DOCK5: variants seen among roughly 807,000 people sequenced by gnomAD.
DOCK5 encodes dedicator of cytokinesis protein 5.
In DOCK5, 142 loss-of-function variants were observed where a neutral mutation model predicts 251.8. That is an observed-to-expected ratio of 0.56 (90% CI 0.49 to 0.65). The LOEUF (loss-of-function observed/expected upper bound fraction) is 0.65. DOCK5 is among the 30% of genes least tolerant of loss of function. The pLI is 0.00. For missense variants in DOCK5, 2,111 were observed against 2,312.3 expected (o/e 0.91, Z 1.79); for synonymous variants, 842 against 835.5 (o/e 1.01, Z -0.13).
chr8:25,199,803 G>C (rs901685451), intron 1 of DOCK5, among the ~76,000 whole-genome samples: 7 of 151,978 alleles, frequency 4.6e-5, no homozygotes, highest in African/African-American at 1.7e-4. Context: ...TCCTGAAATG[G>C]GGCAATATCT....
At chr8:25,253,385 G>A (rs919057458) in intron 2 of DOCK5, among the ~76,000 whole-genome samples, 1 of 152,166 alleles carries the variant, frequency 6.6e-6, no homozygotes, top group Non-Finnish European at 1.5e-5. Context: ...ACAGATCTTG[G>A]TTGGATCAAG....
chr8:25,351,251 G>A (rs1252486811), intron 26 of DOCK5: 1 of 153,138 alleles, frequency 6.5e-6, no homozygotes, highest in East Asian at 1.9e-4. Flanking sequence ...GTAGAGACGG[G>A]GTTTCACTGT....
intron 5 of DOCK5, among the ~76,000 whole-genome samples, chr8:25,284,708 A>G (rs549480581): frequency 6.6e-6 from 1 of 152,364 alleles, no homozygotes; most frequent in East Asian, 1.9e-4. Context: ...TGACTTAGAC[A>G]CGGTCGGATT....
intron 1 of DOCK5, among the ~76,000 whole-genome samples, chr8:25,231,444 G>A (rs1802666330): frequency 1.3e-5 from 2 of 152,126 alleles, no homozygotes; most frequent in Admixed American, 6.6e-5. Context: ...GGGAAGAAAT[G>A]CACTTTTTAT....
At chr8:25,301,778 T>G (rs1804771668) in intron 9 of DOCK5, among the ~76,000 whole-genome samples, 1 of 152,130 alleles carries the variant, frequency 6.6e-6, no homozygotes. Context: ...ACATCTGTCA[T>G]GATTCAGTAT....
At chr8:25,324,422 C>G (rs1399514557) in intron 17 of DOCK5, among the ~76,000 whole-genome samples, 1 of 152,188 alleles carries the variant, frequency 6.6e-6, no homozygotes, top group African/African-American at 2.4e-5. Context: ...TTCTTGCCTT[C>G]CAACTGATGC....
intron 11 of DOCK5, among the ~76,000 whole-genome samples, chr8:25,307,396 G>A (rs1466756229): frequency 1.3e-5 from 2 of 152,164 alleles, no homozygotes; most frequent in Non-Finnish European, 2.9e-5. Context: ...TGGGATTACA[G>A]GTGTGAGCCA....
At chr8:25,330,213 T>A (rs999344896) in intron 18 of DOCK5, among the ~76,000 whole-genome samples, 6 of 152,188 alleles carry the variant, frequency 3.9e-5, no homozygotes, top group Admixed American at 1.3e-4. Context: ...AGTGGATGAA[T>A]GAATATATTA....
At chr8:25,343,398 G>T (rs1221429184) in intron 25 of DOCK5, among the ~76,000 whole-genome samples, 1 of 152,132 alleles carries the variant, frequency 6.6e-6, no homozygotes, top group Non-Finnish European at 1.5e-5. Context: ...TGTATGTAAG[G>T]ACCTCCTGGG....
chr8:25,328,069 G>A lies in DOCK5; in HGVS notation c.1903+2522G>A, dbSNP rs533280035. Among the ~76,000 whole-genome samples, 134 of 151,964 alleles carry A rather than the reference G, an allele frequency of 8.8e-4. 4 individuals are homozygous for A. In the South Asian group the frequency reaches 0.027, roughly 30 times the overall value. ...AATCAGTCCGCTAGTTGCCCTAGTC[G>A]CATTTCAAGCATTCTGGTCTTCTGC... On this transcript the variant is annotated intron_variant, in intron 18 of 51. Coordinates refer to ENST00000276440, the MANE Select transcript of DOCK5 (RefSeq NM_024940.8).
chr8:25,201,267 T>G (rs1801873584), intron 1 of DOCK5, among the ~76,000 whole-genome samples: 1 of 152,222 alleles, frequency 6.6e-6, no homozygotes. Context: ...TCTCTCTGTT[T>G]GAAGACAATA....
At chr8:25,253,532 G>A (rs1005982933) in intron 2 of DOCK5, among the ~76,000 whole-genome samples, 1 of 152,114 alleles carries the variant, frequency 6.6e-6, no homozygotes, top group African/African-American at 2.4e-5. Context: ...GTTAGGTTAT[G>A]TCCATATAAC....
intron 1 of DOCK5, among the ~76,000 whole-genome samples, chr8:25,224,140 ACAGAGTCTTGCTCTCTTGCC>A (rs1275889093): frequency 6.6e-6 from 1 of 151,954 alleles, no homozygotes; most frequent in East Asian, 1.9e-4. Flanking sequence ...TTTTTCTGAG[ACAGAGTCTTGCTCTCTTGCC>A]CAGGCTAGAG....
chr8:25,298,131 T>C (rs1365522725), intron 7 of DOCK5, among the ~76,000 whole-genome samples: 1 of 152,182 alleles, frequency 6.6e-6, no homozygotes, highest in Non-Finnish European at 1.5e-5. Flanking sequence ...TTTAATATGT[T>C]TTTTTTCCAG....
At chr8:25,352,452 C>CT (rs1438258449) in intron 27 of DOCK5, among the ~76,000 whole-genome samples, 3 of 152,030 alleles carry the variant, frequency 2.0e-5, no homozygotes, top group African/African-American at 7.3e-5. Context: ...TCTGTGCACT[C>CT]TATCTAAACA....
At chr8:25,187,264 TAC>T (rs58401943) in intron 1 of DOCK5, among the ~76,000 whole-genome samples, 11,832 of 148,610 alleles carry the variant, frequency 0.08, 733 homozygotes, top group African/African-American at 0.16. Context: ...CACACACGTA[TAC>T]ACACACATAT....
At chr8:25,223,788 T>A (rs1458335322) in intron 1 of DOCK5, among the ~76,000 whole-genome samples, 2 of 152,212 alleles carry the variant, frequency 1.3e-5, no homozygotes, top group African/African-American at 4.8e-5. Context: ...GATGATTATT[T>A]TGTTTTATTA....
chr8:25,192,077 T>C (rs1801596640), intron 1 of DOCK5, among the ~76,000 whole-genome samples: 1 of 152,122 alleles, frequency 6.6e-6, no homozygotes, highest in Non-Finnish European at 1.5e-5. Context: ...TTCATCCATG[T>C]CTGTCCCTGC....
intron 26 of DOCK5, among the ~76,000 whole-genome samples, chr8:25,350,682 T>G (rs750902163): frequency 6.6e-6 from 1 of 152,164 alleles, no homozygotes. Flanking sequence ...CGTGGTTAAG[T>G]TTTGGTTAGG....
Sources: allele counts gnomAD v4.1 joint callset (sites outside exome capture counted in the v4.1 genomes callset), GRCh38; gene constraint gnomAD v4.1.1; transcripts MANE v1.5; gene names NCBI Gene and HGNC (gene_info 2026-07-23, HGNC 2026-07-21).